MAPK10: variants seen among roughly 807,000 people sequenced by gnomAD.
MAPK10 encodes JNK3 alpha protein kinase.
Under a neutral mutation model 59.3 loss-of-function variants are expected in MAPK10, and 25 were observed. The ratio of observed to expected loss-of-function variants is 0.42; its 90% CI spans 0.31 to 0.59. The LOEUF (loss-of-function observed/expected upper bound fraction) is 0.59, where lower values mean the gene tolerates loss of function less well. Ranked by LOEUF, MAPK10 falls within the 20% of genes least tolerant of loss-of-function variation. The pLI is 0.15. For synonymous variants in MAPK10, 190 were observed against 200.5 expected (o/e 0.95, Z 0.44); for missense variants, 351 against 568.9 (o/e 0.62, Z 3.90).
chr4:86,353,738 G>A (rs921556382), intron 2 of MAPK10, among the ~76,000 whole-genome samples: 1 of 152,108 alleles, frequency 6.6e-6, no homozygotes, highest in Non-Finnish European at 1.5e-5. Context: ...CTAGGCAAAT[G>A]AAAGAAAGAT....
chr4:86,297,635 C>T (rs2095391973), intron 2 of MAPK10, among the ~76,000 whole-genome samples: 1 of 152,132 alleles, frequency 6.6e-6, no homozygotes, highest in Non-Finnish European at 1.5e-5. Flanking sequence ...TGTCTGTACC[C>T]ACTTAAATAA....
chr4:86,285,475 A>G (rs1447958735), intron 2 of MAPK10, among the ~76,000 whole-genome samples: 1 of 152,080 alleles, frequency 6.6e-6, no homozygotes, highest in Non-Finnish European at 1.5e-5. Flanking sequence ...TCGACCTCCC[A>G]AAGTGCTGGG....
intron 2 of MAPK10, among the ~76,000 whole-genome samples, chr4:86,209,585 T>A (rs2085208729): frequency 1.3e-5 from 2 of 152,090 alleles, no homozygotes; most frequent in South Asian, 4.1e-4. Flanking sequence ...ATTAGTAGAT[T>A]CAAATTTTCA....
chr4:86,246,316 AGCTACTCGGGAGGC>A (rs2093082641), intron 2 of MAPK10, among the ~76,000 whole-genome samples: 1 of 152,080 alleles, frequency 6.6e-6, no homozygotes, highest in African/African-American at 2.4e-5. Flanking sequence ...CTGTGGTCCC[AGCTACTCGGGAGGC>A]TGAGGGAGGA....
chr4:86,209,169 C>A (rs1223166340), intron 2 of MAPK10, among the ~76,000 whole-genome samples: 1 of 151,938 alleles, frequency 6.6e-6, no homozygotes, highest in Non-Finnish European at 1.5e-5. Context: ...AATTAACAAC[C>A]TACCATGAGA....
intron 2 of MAPK10, among the ~76,000 whole-genome samples, chr4:86,215,623 G>A (rs2087282573): frequency 6.6e-6 from 1 of 152,156 alleles, no homozygotes; most frequent in Non-Finnish European, 1.5e-5. Context: ...GCACTTTTGG[G>A]AGACCAAGGC....
rs192099158 is a variant in MAPK10 at position 86,541,998 on chromosome 4, G to A, written c.-263+51912C>T. On this transcript the variant is annotated intron_variant, in intron 1 of 4. Coordinates refer to the MAPK10 transcript ENST00000502302. ...ACACACACACACACACACAGGTGGG[G>A]AAAAAGAAAGAAATAAAATATTAAT... Among the ~76,000 whole-genome samples the A allele has an allele frequency of 9.6e-3, 1,432 of 148,784 alleles. 7 individuals carry two copies. Among genetic ancestry groups the A allele is most frequent in the Non-Finnish European group, 0.014 (958 of 67,186 alleles).
chr4:86,318,154 ATAAAAT>A (rs1344114835), intron 2 of MAPK10, among the ~76,000 whole-genome samples: 1 of 152,190 alleles, frequency 6.6e-6, no homozygotes, highest in East Asian at 1.9e-4. Flanking sequence ...GTCTCTCCAA[ATAAAAT>A]TAAAATAACA....
At chr4:86,313,803 A>C (rs902075936) in intron 2 of MAPK10, among the ~76,000 whole-genome samples, 1 of 152,176 alleles carries the variant, frequency 6.6e-6, no homozygotes, top group East Asian at 1.9e-4. Context: ...GTATAGCAGT[A>C]TCTTCCAAAC....
At chr4:86,117,744 GT>G (rs1217588962) in intron 4 of MAPK10, 1 of 152,130 alleles carries the variant, frequency 6.6e-6, no homozygotes, top group African/African-American at 2.4e-5. Flanking sequence ...GAGATGTGAG[GT>G]TTTCTTCCAA....
chr4:86,548,923 CTG>C (rs1448971517), intron 1 of MAPK10, among the ~76,000 whole-genome samples: 2 of 152,158 alleles, frequency 1.3e-5, no homozygotes, highest in East Asian at 1.9e-4. Context: ...TTTTGTAACA[CTG>C]TAAGGCCCGA....
intron 1 of MAPK10, among the ~76,000 whole-genome samples, chr4:86,565,255 T>C (rs965071537): frequency 2.6e-5 from 4 of 152,234 alleles, no homozygotes; most frequent in Non-Finnish European, 5.9e-5. Flanking sequence ...TCTCACATCA[T>C]ACATATCCTC....
intron 2 of MAPK10, among the ~76,000 whole-genome samples, chr4:86,304,425 C>CTGT (rs2095528289): frequency 7.3e-6 from 1 of 136,544 alleles, no homozygotes. Flanking sequence ...CGGAGTCCCG[C>CTGT]TGTTTAGCCC....
intron 2 of MAPK10, among the ~76,000 whole-genome samples, chr4:86,290,192 A>G (rs1448665481): frequency 6.6e-6 from 1 of 152,210 alleles, no homozygotes; most frequent in African/African-American, 2.4e-5. Context: ...ACATTTGGAA[A>G]TCAAGAAAAG....
intron 4 of MAPK10, among the ~76,000 whole-genome samples, chr4:86,115,428 C>T (rs1409689835): frequency 6.6e-6 from 1 of 152,090 alleles, no homozygotes. Flanking sequence ...GATTCACTCA[C>T]TGTTTTCATT....
At chr4:86,187,656 TATA>T (rs1357365163) in intron 3 of MAPK10, among the ~76,000 whole-genome samples, 1 of 152,128 alleles carries the variant, frequency 6.6e-6, no homozygotes, top group Non-Finnish European at 1.5e-5. Flanking sequence ...TAAGTGTAAA[TATA>T]ATCAAAGAAG....
chr4:86,426,028 C>T (rs1252506566), intron 1 of MAPK10, among the ~76,000 whole-genome samples: 1 of 152,206 alleles, frequency 6.6e-6, no homozygotes, highest in African/African-American at 2.4e-5. Context: ...TAAGGATTCT[C>T]TCATTCAAAT....
intron 2 of MAPK10, among the ~76,000 whole-genome samples, chr4:86,214,136 T>C (rs1011589966): frequency 1.3e-5 from 2 of 152,092 alleles, no homozygotes; most frequent in Admixed American, 6.6e-5. Flanking sequence ...CATTATGTGA[T>C]TATTTCAATT....
intron 11 of MAPK10, among the ~76,000 whole-genome samples, chr4:86,042,651 T>C (rs76685020): frequency 0.011 from 1,744 of 152,194 alleles, 36 homozygotes; most frequent in African/African-American, 0.04. Flanking sequence ...CTATAAGATG[T>C]TTTTGTAATT....
Sources: gnomAD v4.1 joint callset for allele counts (sites outside exome capture counted in the v4.1 genomes callset) on GRCh38, gnomAD v4.1.1 for gene constraint, MANE v1.5 for transcripts, NCBI Gene and HGNC (gene_info 2026-07-23, HGNC 2026-07-21) for gene names.